The following EPHA5 variants were observed in gnomAD, a reference collection of about 807,000 sequenced individuals.
The protein encoded by EPHA5 is ephrin type-A receptor 5.
A neutral mutation model predicts 105.0 loss-of-function variants in EPHA5; 60 were observed. That is an observed-to-expected ratio of 0.57 (90% CI 0.46 to 0.71). The LOEUF is 0.71. EPHA5 is among the 30% of genes least tolerant of loss of function. The probability of loss-of-function intolerance (pLI) is 0.00; values close to 1 mark genes in which losing one functional copy is unlikely to be tolerated. For synonymous variants in EPHA5, 513 were observed against 449.1 expected (o/e 1.14, Z -1.80); for missense variants, 1,218 against 1,274.7 (o/e 0.96, Z 0.68).
intron 5 of EPHA5, among the ~76,000 whole-genome samples, chr4:65,431,545 C>A (rs1724977149): frequency 1.3e-5 from 2 of 152,014 alleles, no homozygotes; most frequent in South Asian, 4.2e-4. Context: ...TTTAACAGGT[C>A]TTCCCACCGA....
At chr4:65,410,364 A>T (rs1722800496) in intron 7 of EPHA5, among the ~76,000 whole-genome samples, 1 of 152,214 alleles carries the variant, frequency 6.6e-6, no homozygotes, top group South Asian at 2.1e-4. Context: ...TTGAAATTTG[A>T]AAACGTTATA....
intron 11 of EPHA5, among the ~76,000 whole-genome samples, chr4:65,356,194 A>G (rs1723280780): frequency 6.6e-6 from 1 of 151,460 alleles, no homozygotes; most frequent in Admixed American, 6.6e-5. Flanking sequence ...TTCTACTTAC[A>G]GCACTTTCAG....
intron 3 of EPHA5, among the ~76,000 whole-genome samples, chr4:65,500,169 A>G (rs1380898592): frequency 2.6e-5 from 4 of 151,520 alleles, no homozygotes; most frequent in African/African-American, 9.7e-5. Context: ...GGTTTATTAA[A>G]AATAAACGAA....
At chr4:65,651,319 G>A (rs1447432453) in intron 1 of EPHA5, among the ~76,000 whole-genome samples, 1 of 152,130 alleles carries the variant, frequency 6.6e-6, no homozygotes, top group Non-Finnish European at 1.5e-5. Flanking sequence ...TTTTATGTGG[G>A]AAAAATCAAT....
chr4:65,342,959 G>A (rs1334833813), intron 14 of EPHA5, among the ~76,000 whole-genome samples: 1 of 151,848 alleles, frequency 6.6e-6, no homozygotes, highest in Non-Finnish European at 1.5e-5. Context: ...GAAAAAGAAA[G>A]CACAGAATCT....
intron 1 of EPHA5, among the ~76,000 whole-genome samples, chr4:65,664,938 G>A (rs1749839875): frequency 6.6e-6 from 1 of 151,808 alleles, no homozygotes; most frequent in African/African-American, 2.4e-5. Flanking sequence ...TTTTAAGATT[G>A]CTTAAAATGA....
chr4:65,434,591 T>A (rs1045014238), intron 5 of EPHA5, among the ~76,000 whole-genome samples: 1 of 152,160 alleles, frequency 6.6e-6, no homozygotes, highest in African/African-American at 2.4e-5. Context: ...TGGATATTGA[T>A]CTAATCTTAT....
intron 6 of EPHA5, among the ~76,000 whole-genome samples, chr4:65,418,673 T>C (rs767241825): frequency 3.2e-4 from 49 of 152,166 alleles, no homozygotes; most frequent in Middle Eastern, 6.8e-3. Flanking sequence ...GTAAAATCAA[T>C]ATACGAACAT....
chr4:65,369,821 G>A (rs1389386769), intron 8 of EPHA5, among the ~76,000 whole-genome samples: 1 of 152,014 alleles, frequency 6.6e-6, no homozygotes, highest in African/African-American at 2.4e-5. Flanking sequence ...ACAAAAATTA[G>A]CTAGGCATGG....
intron 3 of EPHA5, among the ~76,000 whole-genome samples, chr4:65,542,633 AC>A (rs1736953705): frequency 6.6e-6 from 1 of 152,032 alleles, no homozygotes; most frequent in African/African-American, 2.4e-5. Flanking sequence ...GCCAAATTTT[AC>A]CAGAGGTACA....
chr4:65,523,635 C>G (rs533720070), intron 3 of EPHA5, among the ~76,000 whole-genome samples: 2 of 152,056 alleles, frequency 1.3e-5, no homozygotes, highest in Middle Eastern at 6.8e-3. Context: ...TTTATAGAAT[C>G]TCTCACATAT....
At chr4:65,348,684 AT>A (rs1560437762) in intron 13 of EPHA5, among the ~76,000 whole-genome samples, 24 of 81,904 alleles carry the variant, frequency 2.9e-4, no homozygotes, top group Non-Finnish European at 5.3e-4. Context: ...ATATATATAT[AT>A]ATATATATAT....
intron 3 of EPHA5, among the ~76,000 whole-genome samples, chr4:65,506,389 G>A (rs1733026836): frequency 6.8e-6 from 1 of 145,998 alleles, no homozygotes; most frequent in South Asian, 2.2e-4. Context: ...TGGGTCAAAT[G>A]GTATTTCTAG....
At chr4:65,449,342 AAAG>A (rs1185619154) in intron 5 of EPHA5, among the ~76,000 whole-genome samples, 2 of 152,304 alleles carry the variant, frequency 1.3e-5, no homozygotes, top group African/African-American at 2.4e-5. Flanking sequence ...GGGTTTAAAA[AAAG>A]AGCCTTTTGC....
chr4:65,611,997 A>ATC lies in EPHA5; in HGVS notation c.247-9694_247-9693insGA, dbSNP rs369289704. The stretch of plus-strand genomic sequence containing the variant: ...AGGCCACTGCACTCCAGCCTGGGCG[A>ATC]TAGAGCGAGACCCTCTCTCAAAAAA... On this transcript the variant is annotated intron_variant, in intron 2 of 16. Coordinates refer to ENST00000613740, the MANE Select transcript of EPHA5 (RefSeq NM_001281766.3). 6.9e-4 allele frequency among the ~76,000 whole-genome samples: 92 copies of ATC among 133,606 alleles called. No individual in the cohort carries two copies. In the East Asian group the frequency reaches 0.019, roughly 28 times the overall value. 87.7% of individuals were successfully genotyped at this position (133,606 alleles called of 152,430 possible). A position where few individuals can be genotyped will look rare whatever the true frequency, so the allele number is the denominator to read the frequency against.
rs377161994 is a variant in EPHA5 at position 65,411,873 on chromosome 4, A to T, written c.1687+2411T>A. Among the ~76,000 whole-genome samples, 4 of 152,314 alleles carry T rather than the reference A, an allele frequency of 2.6e-5. No homozygotes were observed. The East Asian group carries it at 5.8e-4, about 22-fold the overall frequency. On this transcript the variant is annotated intron_variant, in intron 7 of 16. Transcript: ENST00000613740. ...TAGAATTATTTGAGTCACTTACAGC[A>T]TCTTGAGCTAAAAAGAAACCCTTTG...
chr4:65,599,314 T>C (rs1055708410), intron 3 of EPHA5, among the ~76,000 whole-genome samples: 15 of 150,458 alleles, frequency 1.0e-4, no homozygotes, highest in Admixed American at 2.0e-4. Flanking sequence ...CAGGTTAAGA[T>C]GTAAAATGAG....
At chr4:65,429,398 A>AG (rs149633013) in intron 5 of EPHA5, among the ~76,000 whole-genome samples, 3,833 of 152,106 alleles carry the variant, frequency 0.025, 70 homozygotes, top group Non-Finnish European at 0.041. Flanking sequence ...ATGTTTAACA[A>AG]GAAAAAATTA....
At chr4:65,332,604 T>C (rs1395980838) in intron 15 of EPHA5, among the ~76,000 whole-genome samples, 2 of 120,228 alleles carry the variant, frequency 1.7e-5, no homozygotes, top group African/African-American at 6.4e-5. Context: ...CGGTTGATGC[T>C]GGTAATGGGG....
Sources: gnomAD v4.1 joint callset for allele counts (sites outside exome capture counted in the v4.1 genomes callset) on GRCh38, gnomAD v4.1.1 for gene constraint, MANE v1.5 for transcripts, NCBI Gene and HGNC (gene_info 2026-07-23, HGNC 2026-07-21) for gene names.